PARD3B: variants seen among roughly 807,000 people sequenced by gnomAD.
PARD3B encodes the protein par-3 family cell polarity regulator beta.
A neutral mutation model predicts 130.2 loss-of-function variants in PARD3B; 103 were observed. The observed-to-expected ratio is 0.79, with a 90% CI of 0.67 to 0.93. The LOEUF (loss-of-function observed/expected upper bound fraction) is 0.93. Among genes scored for constraint, PARD3B ranks in the 40% least tolerant of loss-of-function variants. The pLI, the probability that PARD3B is intolerant of heterozygous loss-of-function variation, is 0.00. For synonymous variants in PARD3B, 583 were observed against 553.2 expected, an observed-to-expected ratio of 1.05 and a Z score of -0.76; for missense variants, 1,609 against 1,499.2, an observed-to-expected ratio of 1.07 and a Z score of -1.21.
At chr2:205,368,627 G>T (rs750214850) in intron 18 of PARD3B, among the ~76,000 whole-genome samples, 6 of 152,060 alleles carry the variant, frequency 3.9e-5, no homozygotes, top group Non-Finnish European at 8.8e-5. Flanking sequence ...GCAAGATTCC[G>T]TCTCAAAAAT....
At chr2:205,457,900 C>T (rs2048328119) in intron 20 of PARD3B, among the ~76,000 whole-genome samples, 1 of 152,088 alleles carries the variant, frequency 6.6e-6, no homozygotes, top group African/African-American at 2.4e-5. Flanking sequence ...CTCATTGGAG[C>T]ACTTTGGATT....
At chr2:205,178,129 A>T (rs1478452751) in intron 13 of PARD3B, among the ~76,000 whole-genome samples, 1 of 134,342 alleles carries the variant, frequency 7.4e-6, no homozygotes, top group African/African-American at 2.8e-5. Flanking sequence ...AACATGGCAA[A>T]ATCCCATCTG....
intron 2 of PARD3B, among the ~76,000 whole-genome samples, chr2:204,774,648 A>C (rs1439575218): frequency 6.6e-6 from 1 of 152,116 alleles, no homozygotes; most frequent in African/African-American, 2.4e-5. Context: ...TGCTCTTCTC[A>C]TCAGATATGA....
At chr2:205,238,848 AAATATATATATATAT>A (rs1483263799) in intron 15 of PARD3B, among the ~76,000 whole-genome samples, 10 of 76,628 alleles carry the variant, frequency 1.3e-4, no homozygotes, top group African/African-American at 6.7e-4. Context: ...AAAAAAAAAA[AAATATATATATATAT>A]ATATATATAT....
chr2:205,355,254 T>C (rs1412155570), intron 18 of PARD3B, among the ~76,000 whole-genome samples: 1 of 152,200 alleles, frequency 6.6e-6, no homozygotes, highest in Non-Finnish European at 1.5e-5. Context: ...GTGAAGCAAA[T>C]GAGGCTTTGC....
At chr2:204,620,879 G>A (rs758891720) in intron 1 of PARD3B, among the ~76,000 whole-genome samples, 2 of 152,016 alleles carry the variant, frequency 1.3e-5, no homozygotes, top group East Asian at 1.9e-4. Context: ...AGTTGCGTCC[G>A]TTATTCTGAG....
intron 2 of PARD3B, among the ~76,000 whole-genome samples, chr2:204,734,939 T>C (rs1484694173): frequency 6.6e-6 from 1 of 152,002 alleles, no homozygotes; most frequent in African/African-American, 2.4e-5. Context: ...TAGTGGTATT[T>C]GAGGGGAAAA....
chr2:204,979,833 G>C (rs971305738), intron 3 of PARD3B, among the ~76,000 whole-genome samples: 6 of 152,054 alleles, frequency 3.9e-5, no homozygotes, highest in African/African-American at 1.4e-4. Context: ...ACAAAAATCA[G>C]TGCTAGACAG....
At chr2:204,553,613 G>T (rs62180285) in intron 1 of PARD3B, among the ~76,000 whole-genome samples, 5 of 10,580 alleles carry the variant, frequency 4.7e-4, no homozygotes, top group African/African-American at 1.3e-3. Flanking sequence ...TATATATATG[G>T]CTATATACAT....
intron 1 of PARD3B, among the ~76,000 whole-genome samples, chr2:204,640,316 G>A (rs1359523973): frequency 6.6e-6 from 1 of 152,128 alleles, no homozygotes; most frequent in East Asian, 1.9e-4. Context: ...CAGGAGCAGT[G>A]GTGACCCTTC....
intron 15 of PARD3B, among the ~76,000 whole-genome samples, chr2:205,228,279 A>G (rs1000527647): frequency 3.2e-4 from 49 of 152,192 alleles, no homozygotes; most frequent in African/African-American, 1.1e-3. Context: ...CATTTCTTGT[A>G]GGACACATCT....
intron 19 of PARD3B, among the ~76,000 whole-genome samples, chr2:205,410,903 G>A (rs564290079): frequency 2.0e-5 from 3 of 152,016 alleles, no homozygotes; most frequent in Non-Finnish European, 2.9e-5. Context: ...GTCACCACCC[G>A]GCCTCCACCC....
intron 2 of PARD3B, among the ~76,000 whole-genome samples, chr2:204,888,123 G>T (rs560133036): frequency 7.9e-5 from 12 of 152,240 alleles, no homozygotes; most frequent in Admixed American, 7.2e-4. Flanking sequence ...CACCAGTTTT[G>T]CAGGGAGGAG....
At chr2:205,614,999 G>A (rs1416660905) in intron 22 of PARD3B, among the ~76,000 whole-genome samples, 2 of 152,188 alleles carry the variant, frequency 1.3e-5, no homozygotes, top group Non-Finnish European at 1.5e-5. Context: ...TAGAAAAGGG[G>A]AGGGAACTAA....
At chr2:204,937,788 A>G (rs1688582629) in intron 2 of PARD3B, among the ~76,000 whole-genome samples, 1 of 152,140 alleles carries the variant, frequency 6.6e-6, no homozygotes. Flanking sequence ...ATGATACTCT[A>G]GGCAATTTTA....
chr2:204,546,693 A>G (rs1470194751), intron 1 of PARD3B, among the ~76,000 whole-genome samples: 1 of 152,090 alleles, frequency 6.6e-6, no homozygotes, highest in Non-Finnish European at 1.5e-5. Flanking sequence ...TGCTTAGCCA[A>G]CCTGTCTACA....
chr2:205,176,456 G>C lies in PARD3B; in HGVS notation c.1803G>C (p.Glu601Asp), dbSNP rs770840168. The C allele has an allele frequency of 1.4e-5, 22 of 1,608,904 alleles. No individual in the cohort carries two copies. The highest frequency in any genetic ancestry group is 1.7e-5 in the Admixed American group (1 of 58,806). ...CTTTTATCTCTTAGGATCCTGCAGA[G>C]TGTGGGGCATTTTCCAAGCCATGCT... ...RPERPMEDPAECGAFSKPCFE... is the reference protein window; with the variant it reads ...RPERPMEDPADCGAFSKPCFE... Residue 601 changes from glutamate (E) to aspartate (D), a missense_variant, in exon 13 of 23, where the codon GAG (glutamate) becomes GAC (aspartate). By Grantham distance (45) the Glu-to-Asp change is conservative. Coordinates refer to ENST00000406610, the MANE Select transcript of PARD3B (RefSeq NM_001302769.2). The surrounding 1 kb of genome is among the most constrained non-coding windows in gnomAD (Gnocchi z 5.3).
In PARD3B at chr2:205,229,940, G is replaced by A. The variant is rs1361827032; in HGVS notation, c.2141-15838G>A. On this transcript the variant is annotated intron_variant, in intron 15 of 22. Coordinates refer to ENST00000406610, the MANE Select transcript of PARD3B (RefSeq NM_001302769.2). This position sits in a 1 kb window ranked among gnomAD's most constrained non-coding sequence, Gnocchi z 5.2. ...CACAGCCACCACCACCACGTCCATG[G>A]CAAGTACTGCCTGTCTACCACTGAT... Among the ~76,000 whole-genome samples the A allele has an allele frequency of 6.6e-6, 1 of 151,842 alleles. No homozygotes were observed.
intron 20 of PARD3B, among the ~76,000 whole-genome samples, chr2:205,456,864 T>C (rs2048293948): frequency 6.7e-6 from 1 of 149,750 alleles, no homozygotes; most frequent in Non-Finnish European, 1.5e-5. Context: ...CAGTTAAATA[T>C]AATTTAATAA....
Sources: gnomAD v4.1 joint callset for allele counts (sites outside exome capture counted in the v4.1 genomes callset) on GRCh38, gnomAD v4.1.1 for gene constraint, Gnocchi (gnomAD v3.1) non-coding constraint, MANE v1.5 for transcripts, NCBI Gene and HGNC (gene_info 2026-07-23, HGNC 2026-07-21) for gene names.